G2E3: variants seen among roughly 807,000 people sequenced by gnomAD.
G2E3 encodes the protein G2/M-phase specific E3 ubiquitin protein ligase, also known as G2/M phase-specific E3 ubiquitin-protein ligase.
A neutral mutation model predicts 92.8 loss-of-function variants in G2E3; 35 were observed. The ratio of observed to expected loss-of-function variants is 0.38; its 90% CI spans 0.29 to 0.50. The LOEUF is 0.50. Ranked by LOEUF, G2E3 falls within the 20% of genes least tolerant of loss-of-function variation. The probability of loss-of-function intolerance (pLI) is 0.94; values close to 1 mark genes in which losing one functional copy is unlikely to be tolerated. For missense variants in G2E3, 554 were observed against 823.8 expected (o/e 0.67, Z 4.01); for synonymous variants, 242 against 272.4 (o/e 0.89, Z 1.10).
intron 1 of G2E3, chr14:30,577,963 C>G (rs1164596587): frequency 6.6e-6 from 1 of 152,048 alleles, no homozygotes; most frequent in Non-Finnish European, 1.5e-5. Flanking sequence ...GTTATTAAGA[C>G]TTGGACTGTT....
In G2E3 at chr14:30,619,404, A is replaced by T. The variant is rs1167151758; in HGVS notation, c.*2870A>T. 6.6e-6 allele frequency: 1 copy of T among 152,166 alleles called. No homozygotes were observed. The highest frequency in any genetic ancestry group is 1.5e-5 in the Non-Finnish European group (1 of 67,978). 9.4% of individuals were successfully genotyped at this position (152,166 alleles called of 1,614,324 possible). A position where few individuals can be genotyped will look rare whatever the true frequency, so the allele number is the denominator to read the frequency against. ...AGCATTCAGTCATTATAAGAAAATG[A>T]TCAGAACAAAATCATTACATTATAA... is the stretch of plus-strand genomic sequence containing the variant. On this transcript the variant is annotated 3_prime_UTR_variant, in exon 15 of 15. Transcript: ENST00000206595.
At chr14:30,615,247 A>C in intron 13 of G2E3, 102 bp from the exon 14 acceptor site, 1 of 588,498 alleles carries the variant, frequency 1.7e-6, no homozygotes, top group Non-Finnish European at 2.9e-6. Context: ...AAAAATCATT[A>C]GCTGTTTTGA....
Position 30,615,227 on chromosome 14 carries a change from G to A in G2E3, c.1674-122G>A, listed in dbSNP as rs1882258761. ...GATTGTCTCTTGTGGGGGTTTTTTG[G>A]TTGTTTTTTAAAAATCATTAGCTGT... On this transcript the variant is annotated intron_variant, in intron 13 of 14. Coordinates refer to ENST00000206595, the MANE Select transcript of G2E3 (RefSeq NM_017769.5). 3 of 547,490 alleles carry A rather than the reference G, an allele frequency of 5.5e-6. No individual in the cohort carries two copies. The South Asian group carries it at 9.5e-5, about 17-fold the overall frequency. 33.9% of individuals were successfully genotyped at this position (547,490 alleles called of 1,614,324 possible).
At chr14:30,605,453 A>G (rs1881786274) in intron 10 of G2E3, 52 bp from the exon 11 acceptor site, 1 of 674,332 alleles carries the variant, frequency 1.5e-6, no homozygotes, top group Non-Finnish European at 2.5e-6. Flanking sequence ...CTGCTGTTTC[A>G]CATAAAGTAC....
chr14:30,616,696 A>T lies in G2E3; in HGVS notation c.*162A>T. On this transcript the variant is annotated 3_prime_UTR_variant, in exon 15 of 15. Coordinates refer to ENST00000206595, the MANE Select transcript of G2E3 (RefSeq NM_017769.5). ...AAGGAATATTATAGCCACTTAGGCT[A>T]AAAAAAGGTTTTTTTTGTTAAAGCA... 1.9e-6 allele frequency: 1 copy of T among 534,370 alleles called. No individual in the cohort carries two copies. Among genetic ancestry groups the T allele is most frequent in the Non-Finnish European group, 3.2e-6 (1 of 315,376 alleles). The allele number at this position is 534,370 out of a possible 1,614,324, so 33.1% of individuals were successfully genotyped here.
chr14:30,564,423 C>T (rs1879308057), intron 1 of G2E3, among the ~76,000 whole-genome samples: 1 of 152,200 alleles, frequency 6.6e-6, no homozygotes, highest in Admixed American at 6.5e-5. Context: ...GCCTCCAACT[C>T]TTGGACTCCA....
chr14:30,589,302 A>C (rs1594486733), intron 3 of G2E3, 81 bp from the exon 4 acceptor site: 1 of 766,966 alleles, frequency 1.3e-6, no homozygotes, highest in East Asian at 2.5e-5. Context: ...TTTTTATTAG[A>C]CTGAATAGTA....
chr14:30,592,587 C>G, intron 5 of G2E3, 140 bp downstream of exon 5: 1 of 588,334 alleles, frequency 1.7e-6, no homozygotes, highest in Non-Finnish European at 2.8e-6. Context: ...ATTACCCTCC[C>G]GCCCACCCTT....
chr14:30,607,554 A>G (rs899820976), intron 11 of G2E3, among the ~76,000 whole-genome samples: 1 of 152,296 alleles, frequency 6.6e-6, no homozygotes, highest in East Asian at 1.9e-4. Context: ...TTTCAGCTTC[A>G]TTATAATCTT....
intron 12 of G2E3, chr14:30,611,768 C>T (rs1882100019): frequency 6.6e-6 from 1 of 152,604 alleles, no homozygotes; most frequent in Non-Finnish European, 1.5e-5. Context: ...AATCCTTCTA[C>T]CTCATCTTCC....
chr14:30,583,324 C>T (rs1158572953), intron 2 of G2E3, among the ~76,000 whole-genome samples: 1 of 152,188 alleles, frequency 6.6e-6, no homozygotes, highest in East Asian at 1.9e-4. Flanking sequence ...TTAATATACA[C>T]TGTCTTAGTC....
chr14:30,618,566 CAG>C lies in G2E3; in HGVS notation c.*2033_*2034del, dbSNP rs1566557596. 6.6e-6 allele frequency: 1 copy of C among 152,066 alleles called. No individual in the cohort carries two copies. 9.4% of individuals were successfully genotyped at this position (152,066 alleles called of 1,614,324 possible). A position where few individuals can be genotyped will look rare whatever the true frequency, so the allele number is the denominator to read the frequency against. On this transcript the variant is annotated 3_prime_UTR_variant, in exon 15 of 15. Coordinates refer to ENST00000206595, the MANE Select transcript of G2E3 (RefSeq NM_017769.5). ...TACTTGGGTTAGCTACAATTAAAAACAGTATTTCAATTCCTCATTTGACTTAT... is the reference window on the plus strand; with the variant it reads ...TACTTGGGTTAGCTACAATTAAAAACTATTTCAATTCCTCATTTGACTTAT...
At chr14:30,599,706 T>C (rs1487689994) in intron 8 of G2E3, among the ~76,000 whole-genome samples, 2 of 152,214 alleles carry the variant, frequency 1.3e-5, no homozygotes, top group Non-Finnish European at 2.9e-5. Flanking sequence ...GTTAATAATT[T>C]TTATGTAGAT....
At chr14:30,568,473 C>T (rs1879568682) in intron 1 of G2E3, among the ~76,000 whole-genome samples, 2 of 151,572 alleles carry the variant, frequency 1.3e-5, no homozygotes, top group African/African-American at 4.8e-5. Flanking sequence ...CTTTCTGTTC[C>T]TCATTTCCTT....
intron 2 of G2E3, among the ~76,000 whole-genome samples, chr14:30,581,781 G>A (rs781234191): frequency 1.3e-5 from 2 of 152,028 alleles, no homozygotes; most frequent in Admixed American, 6.6e-5. Flanking sequence ...AAATAGATGC[G>A]GTCCGTTTTG....
chr14:30,577,156 C>T lies in G2E3; in HGVS notation c.-4-3920C>T, dbSNP rs1027754257. Among the ~76,000 whole-genome samples, 6 of 136,444 alleles carry T rather than the reference C, an allele frequency of 4.4e-5. No individual in the cohort carries two copies. The Admixed American group carries it at 5.1e-4, about 12-fold the overall frequency. 89.5% of individuals were successfully genotyped at this position (136,444 alleles called of 152,430 possible). On this transcript the variant is annotated intron_variant, in intron 1 of 14. Coordinates refer to ENST00000206595, the MANE Select transcript of G2E3 (RefSeq NM_017769.5). ...AGGAGAATCACTTGAACCCAGGAGGCGGAGGTTGCAGTGAGCCGAGATTGC... is the reference window on the plus strand; with the variant it reads ...AGGAGAATCACTTGAACCCAGGAGGTGGAGGTTGCAGTGAGCCGAGATTGC...
At chr14:30,599,105 C>T (rs553651877) in intron 8 of G2E3, among the ~76,000 whole-genome samples, 18 of 152,300 alleles carry the variant, frequency 1.2e-4, no homozygotes, top group Non-Finnish European at 2.5e-4. Flanking sequence ...GCTATGTCCT[C>T]ACACGAGTTG....
At chr14:30,598,116 C>CA (rs1796818624) in intron 7 of G2E3, 1 of 184,098 alleles carries the variant, frequency 5.4e-6, no homozygotes, top group South Asian at 1.2e-4. Flanking sequence ...CATGGTGGCT[C>CA]ACGCCTGTAA....
chr14:30,603,295 C>T (rs1361939328), intron 10 of G2E3, among the ~76,000 whole-genome samples: 1 of 148,458 alleles, frequency 6.7e-6, no homozygotes, highest in African/African-American at 2.5e-5. Context: ...CACTGTACTC[C>T]AGCCTGGTGA....
Sources: allele counts gnomAD v4.1 joint callset (sites outside exome capture counted in the v4.1 genomes callset), GRCh38; gene constraint gnomAD v4.1.1; transcripts MANE v1.5; gene names NCBI Gene and HGNC (gene_info 2026-07-23, HGNC 2026-07-21).